Variants in HEATR3 observed in about 807,000 individuals in gnomAD.
HEATR3 encodes HEAT repeat-containing protein 3.
Under a neutral mutation model 72.8 loss-of-function variants are expected in HEATR3, and 56 were observed. The ratio of observed to expected loss-of-function variants is 0.77; its 90% CI spans 0.62 to 0.96. The LOEUF is 0.96. HEATR3 is among the 40% of genes least tolerant of loss of function. The pLI is 0.00. For missense variants in HEATR3, 747 were observed against 831.4 expected (o/e 0.90, Z 1.25); for synonymous variants, 331 against 318.1 (o/e 1.04, Z -0.43).
chr16:50,094,640 G>A (rs2037191657), intron 11 of HEATR3, 65 bp from the exon 12 acceptor site: 1 of 878,512 alleles, frequency 1.1e-6, no homozygotes, highest in Non-Finnish European at 1.8e-6. Flanking sequence ...TGTTTTGTTT[G>A]TTGCTTCTAC....
At position 50,086,273 on chromosome 16, in the gene HEATR3, G is replaced by T. The variant is rs148769210; in HGVS notation, c.1432G>T (p.Asp478Tyr). Residue 478 changes from aspartate (D) to tyrosine (Y), a missense_variant, in exon 11 of 15, where the codon GAT becomes TAT. Asp to Tyr is a radical substitution (Grantham distance 160, BLOSUM62 -3). Around this residue, in one of 2 missense-constraint regions of HEATR3, gnomAD observed 586 missense variants for 708.8 expected, o/e 0.83. Coordinates refer to ENST00000299192, the MANE Select transcript of HEATR3 (RefSeq NM_182922.4). ...FCLQSLVSLL[D>Y]VEHLGGAAAL... The stretch of plus-strand genomic sequence containing the variant: ...TCTCCAGAGTCTTGTGTCCCTCCTG[G>T]ATGTGGAGCACCTGGGAGGAGCCGC... The T allele has an allele frequency of 3.3e-5, 53 of 1,585,280 alleles. No homozygotes were observed. The highest frequency in any genetic ancestry group is 4.4e-5 in the Non-Finnish European group (51 of 1,164,696).
Position 50,100,224 on chromosome 16 carries a change from T to A in HEATR3, c.1600-6T>A. 6.2e-7 allele frequency: 1 copy of A among 1,611,006 alleles called. No individual in the cohort carries two copies. Among genetic ancestry groups the A allele is most frequent in the Non-Finnish European group, 8.5e-7 (1 of 1,178,904 alleles). Reference sequence around the variant, plus strand: ...TTATAAATACTGTCCTCTTCTCTTTTAACAGTGCATGACTCCTGATCAGCT... The same window carrying A: ...TTATAAATACTGTCCTCTTCTCTTTAAACAGTGCATGACTCCTGATCAGCT... On this transcript the variant is annotated splice_region_variant and splice_polypyrimidine_tract_variant and intron_variant, in intron 12 of 14. Coordinates refer to ENST00000299192, the MANE Select transcript of HEATR3 (RefSeq NM_182922.4).
intron 10 of HEATR3, 56 bp downstream of exon 10, chr16:50,084,707 T>C: frequency 2.2e-6 from 3 of 1,350,530 alleles, no homozygotes; most frequent in Non-Finnish European, 3.1e-6. Flanking sequence ...TATGAAATGA[T>C]GGGCTATTAA....
intron 4 of HEATR3, among the ~76,000 whole-genome samples, chr16:50,071,857 C>G (rs186729551): frequency 1.8e-4 from 27 of 152,270 alleles, no homozygotes; most frequent in African/African-American, 6.0e-4. Flanking sequence ...ACAATTATTA[C>G]AATTAGCCTT....
At chr16:50,068,431 C>T (rs541060774) in intron 2 of HEATR3, among the ~76,000 whole-genome samples, 1 of 152,316 alleles carries the variant, frequency 6.6e-6, no homozygotes, top group Admixed American at 6.5e-5. Flanking sequence ...TGAGCCACAG[C>T]ACCTAGCCCT....
chr16:50,095,942 G>C (rs1406771161), intron 12 of HEATR3, among the ~76,000 whole-genome samples: 1 of 152,020 alleles, frequency 6.6e-6, no homozygotes, highest in Non-Finnish European at 1.5e-5. Flanking sequence ...CAAATTAACG[G>C]ATATTTCTTA....
chr16:50,072,847 G>T (rs540011678), intron 5 of HEATR3, 133 bp downstream of exon 5: 3 of 638,736 alleles, frequency 4.7e-6, no homozygotes, highest in African/African-American at 1.9e-5. Flanking sequence ...CTCAGCACCT[G>T]TTTTTTCTGG....
chr16:50,098,364 A>G (rs2037291343), intron 12 of HEATR3: 1 of 152,184 alleles, frequency 6.6e-6, no homozygotes, highest in Non-Finnish European at 1.5e-5. Context: ...TTTAAAAATA[A>G]TAATAAATAG....
At chr16:50,103,773 C>T (rs1287939062) in intron 14 of HEATR3, among the ~76,000 whole-genome samples, 5 of 152,226 alleles carry the variant, frequency 3.3e-5, no homozygotes, top group Non-Finnish European at 5.9e-5. Context: ...CACCTGTAAT[C>T]CCAGCACTTT....
chr16:50,069,600 C>G (rs1000161945), intron 3 of HEATR3, among the ~76,000 whole-genome samples: 2 of 152,100 alleles, frequency 1.3e-5, no homozygotes, highest in Non-Finnish European at 2.9e-5. Flanking sequence ...TAAACATCCC[C>G]AAATGCACAC....
rs922037359 is a variant in HEATR3, at chr16:50,075,496, T to C, written c.623-75T>C. 9 of 1,336,308 alleles carry C rather than the reference T, an allele frequency of 6.7e-6. No individual in the cohort carries two copies. The African/African-American group carries it at 1.0e-4, about 15-fold the overall frequency. The allele number at this position is 1,336,308 out of a possible 1,614,324, so 82.8% of individuals were successfully genotyped here. ...GAAGTGGTAATGATACAATGTTTTATTGATGAGTTATACTGGTGTAAATTA... is the reference window on the plus strand; with the variant it reads ...GAAGTGGTAATGATACAATGTTTTACTGATGAGTTATACTGGTGTAAATTA... On this transcript the variant is annotated intron_variant, in intron 5 of 14. Transcript: ENST00000299192.
At chr16:50,086,130 C>T (rs1190093616) in intron 10 of HEATR3, 85 bp from the exon 11 acceptor site, 11 of 1,254,528 alleles carry the variant, frequency 8.8e-6, no homozygotes, top group African/African-American at 4.5e-5. Context: ...CCAGTCAGAA[C>T]GTGAAGCTTA....
chr16:50,079,232 A>T (rs573622858), intron 7 of HEATR3, among the ~76,000 whole-genome samples: 1 of 152,348 alleles, frequency 6.6e-6, no homozygotes, highest in East Asian at 1.9e-4. Flanking sequence ...ATCGTTTTAT[A>T]TGCAGGAGAA....
chr16:50,076,923 C>CA (rs1166093631), intron 6 of HEATR3, among the ~76,000 whole-genome samples: 5 of 140,872 alleles, frequency 3.5e-5, no homozygotes, highest in South Asian at 2.2e-4. Flanking sequence ...GGCTGGAGTG[C>CA]GTGGCGCGAT....
rs1290464159 is a variant in HEATR3 at position 50,072,727 on chromosome 16, A to G, written c.622+13A>G. ...GCTATTTCAGTAGGTAAGTGAAGAA[A>G]AGGTGATGACTTATTAAGAATGTGT... On this transcript the variant is annotated intron_variant, in intron 5 of 14. Coordinates refer to ENST00000299192, the MANE Select transcript of HEATR3 (RefSeq NM_182922.4). 11 of 1,448,128 alleles carry G rather than the reference A, an allele frequency of 7.6e-6. No individual in the cohort carries two copies. The highest frequency in any genetic ancestry group is 9.7e-6 in the Non-Finnish European group (10 of 1,028,190). 89.7% of individuals were successfully genotyped at this position (1,448,128 alleles called of 1,614,324 possible).
At chr16:50,081,238 A>G (rs1471093166) in intron 7 of HEATR3, among the ~76,000 whole-genome samples, 2 of 152,158 alleles carry the variant, frequency 1.3e-5, no homozygotes, top group African/African-American at 4.8e-5. Flanking sequence ...CCAGGAGTTC[A>G]AGACCAGCCT....
chr16:50,084,357 G>A lies in HEATR3; in HGVS notation c.1290+66G>A, dbSNP rs1052150316. 1.1e-5 allele frequency: 17 copies of A among 1,538,880 alleles called. No individual in the cohort carries two copies. The African/African-American group carries it at 2.2e-4, about 20-fold the overall frequency. On this transcript the variant is annotated intron_variant, in intron 9 of 14. Transcript: ENST00000299192. The stretch of plus-strand genomic sequence containing the variant: ...AAGGCTTAAGCAAGGTATTCATTTT[G>A]TGTACAAAAGAAGCAAGCTCACACT...
chr16:50,101,842 A>G (rs1431215686), intron 13 of HEATR3, among the ~76,000 whole-genome samples: 1 of 152,160 alleles, frequency 6.6e-6, no homozygotes. Context: ...AGCCTCACAA[A>G]GTTCTGAACT....
rs1309141289 is a variant in HEATR3 at position 50,084,117 on chromosome 16, G to A, written c.1133-17G>A. On this transcript the variant is annotated splice_polypyrimidine_tract_variant and intron_variant, in intron 8 of 14. Coordinates refer to ENST00000299192, the MANE Select transcript of HEATR3 (RefSeq NM_182922.4). ...TTCTTAACTATTCCAGTTCTGCGTG[G>A]TTTGCCCGCTTCCCAGATCCCTCTG... is the stretch of plus-strand genomic sequence containing the variant. 6.2e-7 allele frequency: 1 copy of A among 1,614,110 alleles called. No individual in the cohort carries two copies. The highest frequency in any genetic ancestry group is 8.5e-7 in the Non-Finnish European group (1 of 1,180,014).
Sources: gnomAD v4.1 joint callset for allele counts (sites outside exome capture counted in the v4.1 genomes callset) on GRCh38, gnomAD v4.1.1 for gene constraint, gnomAD v4.1.1 regional missense constraint, MANE v1.5 for transcripts, NCBI Gene and HGNC (gene_info 2026-07-23, HGNC 2026-07-21) for gene names.